Variants in ARPC1B observed in about 807,000 individuals in gnomAD.
ARPC1B encodes the protein actin related protein 2/3 complex subunit 1B, also known as actin-related protein 2/3 complex subunit 1B.
A neutral mutation model predicts 46.0 loss-of-function variants in ARPC1B; 29 were observed. The observed-to-expected ratio is 0.63, with a 90% CI of 0.47 to 0.86. ARPC1B has a LOEUF of 0.86. Ranked by LOEUF, ARPC1B falls within the 40% of genes least tolerant of loss-of-function variation. The pLI, the probability that ARPC1B is intolerant of heterozygous loss-of-function variation, is 0.00. For missense variants in ARPC1B, 469 were observed against 529.4 expected, an observed-to-expected ratio of 0.89 and a Z score of 1.12; for synonymous variants, 201 against 213.9, an observed-to-expected ratio of 0.94 and a Z score of 0.53.
In ARPC1B at chr7:99,392,664, C is replaced by T. The variant is rs1197737027; in HGVS notation, c.784-7C>T. On this transcript the variant is annotated splice_polypyrimidine_tract_variant and splice_region_variant and intron_variant, in intron 7 of 9. Transcript: ENST00000646101. Reference sequence around the variant, plus strand: ...CGGCGCTCCAATGGCCCCCGCCCTCCGCGCAGGGCCACGACTGCTTCCCGG... The same window carrying T: ...CGGCGCTCCAATGGCCCCCGCCCTCTGCGCAGGGCCACGACTGCTTCCCGG... 5 of 1,502,488 alleles carry T rather than the reference C, an allele frequency of 3.3e-6. No individual in the cohort carries two copies. The highest frequency in any genetic ancestry group is 1.2e-5 in the South Asian group (1 of 80,378). 93.1% of individuals were successfully genotyped at this position (1,502,488 alleles called of 1,614,324 possible).
intron 2 of ARPC1B, among the ~76,000 whole-genome samples, chr7:99,386,154 G>A (rs1584405201): frequency 6.6e-6 from 1 of 152,042 alleles, no homozygotes. Flanking sequence ...GGGGGGCTGA[G>A]GCACGAGAAT....
At chr7:99,394,411 G>T in intron 9 of ARPC1B, 40 bp from the exon 10 acceptor site, 1 of 1,565,996 alleles carries the variant, frequency 6.4e-7, no homozygotes. Context: ...GTGCCTGCAG[G>T]ACAGCTGAGA....
At chr7:99,375,301 A>G (rs1301578195) in intron 1 of ARPC1B, among the ~76,000 whole-genome samples, 1 of 151,950 alleles carries the variant, frequency 6.6e-6, no homozygotes, top group Non-Finnish European at 1.5e-5. Context: ...CCGCCGGGAA[A>G]TGAGCTGGCG....
chr7:99,385,813 TC>T, intron 2 of ARPC1B, 35 bp downstream of exon 2: 1 of 1,586,578 alleles, frequency 6.3e-7, no homozygotes, highest in Non-Finnish European at 8.6e-7. Flanking sequence ...GGTGGCTGCT[TC>T]CACCTCCTGG....
At chr7:99,391,677 A>T (rs1216332301) in intron 7 of ARPC1B, among the ~76,000 whole-genome samples, 1 of 146,686 alleles carries the variant, frequency 6.8e-6, no homozygotes, top group Non-Finnish European at 1.5e-5. Context: ...TAACTTAAGC[A>T]TGGGAGGTCG....
chr7:99,390,944 G>T lies in ARPC1B; in HGVS notation c.552G>T (p.Pro184=). ...KEVEERPAPT[P]WGSKMPFGEL... Reference sequence around the variant, plus strand: ...TGGAGGAACGGCCGGCACCCACCCCGTGGGGCTCCAAGATGCCCTTTGGGG... The same window carrying T: ...TGGAGGAACGGCCGGCACCCACCCCTTGGGGCTCCAAGATGCCCTTTGGGG... Residue 184 remains proline (P), a synonymous_variant, in exon 6 of 10, where the codon CCG becomes CCT. Transcript: ENST00000646101. 1 of 1,613,410 alleles carries T rather than the reference G, an allele frequency of 6.2e-7. No homozygotes were observed. The highest frequency in any genetic ancestry group is 8.5e-7 in the Non-Finnish European group (1 of 1,179,638).
chr7:99,387,855 A>G lies in ARPC1B; in HGVS notation c.170-184A>G, dbSNP rs529695227. Among the ~76,000 whole-genome samples, 105 of 150,524 alleles carry G rather than the reference A, an allele frequency of 7.0e-4. 2 individuals are homozygous for G. In the South Asian group the frequency reaches 0.021, roughly 31 times the overall value. On this transcript the variant is annotated intron_variant, in intron 3 of 9. Coordinates refer to ENST00000646101, the MANE Select transcript of ARPC1B (RefSeq NM_005720.4). Reference sequence around the variant, plus strand: ...GCAGAGGCTGCAGTGAGCTGAGATCATGCCACTGCACTCCAGCCTGGGTGA... The same window carrying G: ...GCAGAGGCTGCAGTGAGCTGAGATCGTGCCACTGCACTCCAGCCTGGGTGA...
At chr7:99,379,610 C>T (rs1260285934) in intron 1 of ARPC1B, among the ~76,000 whole-genome samples, 1 of 152,090 alleles carries the variant, frequency 6.6e-6, no homozygotes, top group African/African-American at 2.4e-5. Flanking sequence ...TAGTCTAGCC[C>T]CAGCCTCATC....
rs773085531 is a variant in ARPC1B, at chr7:99,394,779, T to TAA, written c.*311_*312dup. Reference sequence around the variant, plus strand: ...GTGGAGGTAATAAAATGCAACTGTGTAAAAAAAAAAAAAAAAAAAAAAGTA... The same window carrying TAA: ...GTGGAGGTAATAAAATGCAACTGTGTAAAAAAAAAAAAAAAAAAAAAAAAGTA... On this transcript the variant is annotated 3_prime_UTR_variant, in exon 10 of 10. Coordinates refer to ENST00000646101, the MANE Select transcript of ARPC1B (RefSeq NM_005720.4). The TAA allele has an allele frequency of 0.045, 42,276 of 932,622 alleles. 761 individuals are homozygous for TAA. Among genetic ancestry groups the TAA allele is most frequent in the African/African-American group, 0.17 (7,074 of 41,954 alleles). 57.8% of individuals were successfully genotyped at this position (932,622 alleles called of 1,614,324 possible).
Position 99,388,270 on chromosome 7 carries a change from C to CT in ARPC1B, c.392+10dup, listed in dbSNP as rs775577254. The CT allele has an allele frequency of 5.8e-5, 94 of 1,612,952 alleles. No homozygotes were observed. The highest frequency in any genetic ancestry group is 6.4e-5 in the Non-Finnish European group (76 of 1,179,190). ...GAGCAGGAGAATGACTGGTGGGTAC[C>CT]TAGGCAGGGCCAGAGTGGGCTGTTA... On this transcript the variant is annotated intron_variant, in intron 4 of 9. Coordinates refer to ENST00000646101, the MANE Select transcript of ARPC1B (RefSeq NM_005720.4).
intron 2 of ARPC1B, chr7:99,386,263 AG>A: frequency 5.6e-6 from 2 of 355,902 alleles, no homozygotes; most frequent in African/African-American, 2.1e-5. Context: ...AAAAAAAAAA[AG>A]AGAGAAAGAA....
intron 4 of ARPC1B, chr7:99,389,083 C>G (rs906868293): frequency 6.6e-6 from 1 of 151,924 alleles, no homozygotes; most frequent in Non-Finnish European, 1.5e-5. Context: ...ACTACAGGCA[C>G]GCACCACCAC....
chr7:99,394,534 GGGA>G lies in ARPC1B; in HGVS notation c.*47_*49del. ...CTTCATCCTAGCTGCTGGGGAAGCG[GGGA>G]GAGGGGTCAGGGAGGCTAATGGTTG... On this transcript the variant is annotated 3_prime_UTR_variant, in exon 10 of 10. Coordinates refer to ENST00000646101, the MANE Select transcript of ARPC1B (RefSeq NM_005720.4). The G allele has an allele frequency of 1.3e-5, 21 of 1,613,844 alleles. No individual in the cohort carries two copies. Among genetic ancestry groups the G allele is most frequent in the Non-Finnish European group, 1.8e-5 (21 of 1,179,968 alleles).
chr7:99,380,296 A>G (rs1794171322), intron 1 of ARPC1B, among the ~76,000 whole-genome samples: 1 of 151,168 alleles, frequency 6.6e-6, no homozygotes, highest in African/African-American at 2.5e-5. Context: ...TTGCTCTCCC[A>G]CTTCCTCACT....
chr7:99,387,605 C>T (rs188753480), intron 3 of ARPC1B, among the ~76,000 whole-genome samples: 7 of 152,114 alleles, frequency 4.6e-5, no homozygotes, highest in Non-Finnish European at 1.0e-4. Context: ...GGCATGATGG[C>T]GGGTGCCTGT....
intron 4 of ARPC1B, 37 bp from the exon 5 acceptor site, chr7:99,389,868 G>A: frequency 6.4e-7 from 1 of 1,565,928 alleles, no homozygotes; most frequent in Non-Finnish European, 8.8e-7. Context: ...CCACCTGCCT[G>A]TCCCTCTCTC....
chr7:99,381,630 G>A (rs73710450), intron 1 of ARPC1B, among the ~76,000 whole-genome samples: 2,945 of 152,328 alleles, frequency 0.019, 80 homozygotes, highest in African/African-American at 0.066. Context: ...GTCCTGTGCT[G>A]CTCCAGGAAT....
rs1794369241 is a variant in ARPC1B at position 99,385,691 on chromosome 7, C to T, written c.-13-11C>T. 6.2e-6 allele frequency: 10 copies of T among 1,603,300 alleles called. No individual in the cohort carries two copies. The highest frequency in any genetic ancestry group is 8.5e-6 in the Non-Finnish European group (10 of 1,176,734). On this transcript the variant is annotated splice_polypyrimidine_tract_variant and intron_variant, in intron 1 of 9. Coordinates refer to ENST00000646101, the MANE Select transcript of ARPC1B (RefSeq NM_005720.4). ...GCTGACGTGGATTCTCTCTTCCTCT[C>T]TCGGGCACAGGAGCCAAGCCGCCAT...
At chr7:99,375,972 G>C (rs370718536) in intron 1 of ARPC1B, among the ~76,000 whole-genome samples, 5 of 150,404 alleles carry the variant, frequency 3.3e-5, no homozygotes, top group African/African-American at 1.2e-4. Context: ...TGAGGCAGGA[G>C]AATTGCTTGA....
Sources: allele counts gnomAD v4.1 joint callset (sites outside exome capture counted in the v4.1 genomes callset), GRCh38; gene constraint gnomAD v4.1.1; transcripts MANE v1.5; gene names NCBI Gene and HGNC (gene_info 2026-07-23, HGNC 2026-07-21).